Variants in RDH10 observed in about 807,000 individuals in gnomAD.
RDH10 encodes the protein retinol dehydrogenase 10.
In RDH10, 12 loss-of-function variants were observed where a neutral mutation model predicts 30.2. The observed-to-expected ratio is 0.40, with a 90% CI of 0.25 to 0.64. The LOEUF (loss-of-function observed/expected upper bound fraction) is 0.64. Ranked by LOEUF, RDH10 falls within the 30% of genes least tolerant of loss-of-function variation. RDH10 has a pLI of 0.43. For missense variants in RDH10, 268 were observed against 445.2 expected, an observed-to-expected ratio of 0.60 and a Z score of 3.58; for synonymous variants, 189 against 172.2, an observed-to-expected ratio of 1.10 and a Z score of -0.76.
rs746757841 is a variant in RDH10 at position 73,297,219 on chromosome 8, G to T, written c.315G>T (p.Leu105=). The part of the protein sequence containing the change: ...LQAGNGEEEI[L]PHCNLQVFTY... ...CTGGGAATGGTGAGGAAGAAATTCT[G>T]CCCCACTGTAACTTGCAGGTTTTTA... is the stretch of plus-strand genomic sequence containing the variant. The change falls in exon 2 of 6, where the codon CTG becomes CTT. Residue 105 remains leucine, a synonymous_variant. Transcript: ENST00000240285. 28 of 1,612,172 alleles carry T rather than the reference G, an allele frequency of 1.7e-5. No individual in the cohort carries two copies. The highest frequency in any genetic ancestry group is 2.3e-5 in the Non-Finnish European group (27 of 1,178,312).
In RDH10 at chr8:73,297,325, G is replaced by T. The variant is rs1814285398; in HGVS notation, c.421G>T (p.Val141Phe). ...RVRKEVGEVS[V>F]LVNNAGVVSG... is the part of the protein sequence containing the mutation. ...CCGCAAGGAGGTTGGCGAAGTCTCA[G>T]TCCTGGTCAATAATGCTGGTGTGGT... Residue 141 changes from valine (V) to phenylalanine (F), a missense_variant, in exon 2 of 6, where the codon GTC becomes TTC. This residue lies in a region of RDH10 where 136 missense variants were observed against 288.8 expected (regional missense o/e 0.47). Coordinates refer to ENST00000240285, the MANE Select transcript of RDH10 (RefSeq NM_172037.5). The T allele has an allele frequency of 6.2e-7, 1 of 1,614,056 alleles. No homozygotes were observed. Among genetic ancestry groups the T allele is most frequent in the South Asian group, 1.1e-5 (1 of 91,092 alleles).
Position 73,321,643 on chromosome 8 carries a change from A to G in RDH10, c.770+566A>G, listed in dbSNP as rs557785264. 6 of 367,336 alleles carry G rather than the reference A, an allele frequency of 1.6e-5. No individual in the cohort carries two copies. In the East Asian group the frequency reaches 2.9e-4, roughly 18 times the overall value. The allele number at this position is 367,336 out of a possible 1,614,324, so 22.8% of individuals were successfully genotyped here. On this transcript the variant is annotated intron_variant, in intron 4 of 5. Transcript: ENST00000240285. Reference sequence around the variant, plus strand: ...ATACCCACACACATAGAAAGGAGGTATATGGGAATATAAATGTCAAGTTAC... The same window carrying G: ...ATACCCACACACATAGAAAGGAGGTGTATGGGAATATAAATGTCAAGTTAC...
intron 4 of RDH10, chr8:73,321,623 C>T (rs1191791671): frequency 2.8e-6 from 1 of 353,488 alleles, no homozygotes; most frequent in East Asian, 7.4e-5. Context: ...ATAAAATACC[C>T]ACACACATAG....
intron 2 of RDH10, among the ~76,000 whole-genome samples, chr8:73,306,746 C>A (rs959819809): frequency 1.3e-5 from 2 of 152,182 alleles, no homozygotes; most frequent in African/African-American, 2.4e-5. Flanking sequence ...TTGGAAAAAA[C>A]CACAAGTGTT....
chr8:73,321,897 G>A (rs1285693649), intron 4 of RDH10: 1 of 456,120 alleles, frequency 2.2e-6, no homozygotes, highest in Non-Finnish European at 4.4e-6. Context: ...GGAGTCCCAA[G>A]TCTGACCTGG....
chr8:73,298,560 A>G (rs1157842441), intron 2 of RDH10, among the ~76,000 whole-genome samples: 2 of 151,966 alleles, frequency 1.3e-5, no homozygotes, highest in African/African-American at 4.8e-5. Flanking sequence ...ATGGAGTCTC[A>G]CTCTGTCACC....
At chr8:73,308,732 C>G (rs1175594019) in intron 2 of RDH10, among the ~76,000 whole-genome samples, 1 of 152,102 alleles carries the variant, frequency 6.6e-6, no homozygotes, top group Non-Finnish European at 1.5e-5. Context: ...GGCTCTTGCA[C>G]TAGGGGCTCT....
chr8:73,306,175 A>G (rs1814460657), intron 2 of RDH10, among the ~76,000 whole-genome samples: 1 of 152,248 alleles, frequency 6.6e-6, no homozygotes, highest in Non-Finnish European at 1.5e-5. Flanking sequence ...GCCTAGGCTG[A>G]CAGAGCATGG....
Position 73,295,283 on chromosome 8 carries a change from C to T in RDH10, c.-7C>T. ...CACTGGGCTCGTGCGGGGCCCCGGG[C>T]GTCGCGATGAACATCGTGGTGGAGT... On this transcript the variant is annotated 5_prime_UTR_variant, in exon 1 of 6. Transcript: ENST00000240285. 3.2e-6 allele frequency: 5 copies of T among 1,553,994 alleles called. No individual in the cohort carries two copies. Among genetic ancestry groups the T allele is most frequent in the Non-Finnish European group, 4.3e-6 (5 of 1,153,250 alleles).
chr8:73,304,655 CTG>C (rs1422645161), intron 2 of RDH10, among the ~76,000 whole-genome samples: 10 of 152,190 alleles, frequency 6.6e-5, no homozygotes, highest in Non-Finnish European at 1.3e-4. Flanking sequence ...GGACTCCTCA[CTG>C]TGCCTGGAGA....
chr8:73,316,454 T>C (rs1258054473), intron 2 of RDH10, among the ~76,000 whole-genome samples: 3 of 152,238 alleles, frequency 2.0e-5, no homozygotes, highest in African/African-American at 4.8e-5. Flanking sequence ...AGTTTTTGAC[T>C]TTTTCTGGTA....
intron 2 of RDH10, chr8:73,311,513 C>T (rs1414647724): frequency 6.6e-6 from 1 of 152,146 alleles, no homozygotes; most frequent in African/African-American, 2.4e-5. Context: ...AAAAGCCTGG[C>T]TCTTTTATTA....
chr8:73,319,549 G>A (rs888796614), intron 3 of RDH10, among the ~76,000 whole-genome samples: 5 of 152,192 alleles, frequency 3.3e-5, no homozygotes, highest in Non-Finnish European at 7.3e-5. Context: ...GAAAGGGAAT[G>A]GACTTCTGCC....
In RDH10 at chr8:73,321,006, G is replaced by A; in HGVS notation, c.699G>A (p.Lys233=). The A allele has an allele frequency of 6.2e-7, 1 of 1,614,112 alleles. No homozygotes were observed. Among genetic ancestry groups the A allele is most frequent in the African/African-American group, 1.3e-5 (1 of 75,022 alleles). The change falls in exon 4 of 6, where the codon AAG becomes AAA. Residue 233 remains lysine, a synonymous_variant. Coordinates refer to ENST00000240285, the MANE Select transcript of RDH10 (RefSeq NM_172037.5). ...SLSHELKAAE[K]DGIKTTLVCP... is the part of the protein sequence containing the mutation. ...GCCATGAACTAAAGGCTGCTGAAAA[G>A]GATGGAATTAAAACAACCTTGGTTT...
At chr8:73,312,625 C>T (rs1814583949) in intron 2 of RDH10, 1 of 152,184 alleles carries the variant, frequency 6.6e-6, no homozygotes. Flanking sequence ...GGAAAGTTGC[C>T]CAACCATGTG....
intron 2 of RDH10, among the ~76,000 whole-genome samples, chr8:73,303,362 A>AAAT (rs1389164616): frequency 1.3e-5 from 2 of 152,208 alleles, no homozygotes; most frequent in Non-Finnish European, 2.9e-5. Context: ...AGTTTTGTTC[A>AAAT]AGGTTTCTTA....
chr8:73,314,977 G>A (rs1051840899), intron 2 of RDH10, among the ~76,000 whole-genome samples: 5 of 152,056 alleles, frequency 3.3e-5, no homozygotes, highest in African/African-American at 1.2e-4. Flanking sequence ...CCTCTCAAAA[G>A]AAAGCTTCAT....
chr8:73,315,660 T>C (rs1222189841), intron 2 of RDH10: 1 of 447,682 alleles, frequency 2.2e-6, no homozygotes, highest in East Asian at 7.0e-5. Context: ...GCCAACCTGC[T>C]ATGGTGTCTG....
At chr8:73,299,455 A>G (rs1356958692) in intron 2 of RDH10, among the ~76,000 whole-genome samples, 4 of 152,252 alleles carry the variant, frequency 2.6e-5, no homozygotes, top group African/African-American at 9.6e-5. Flanking sequence ...GACATACATA[A>G]GTGGGAGGCG....
Sources: allele counts gnomAD v4.1 joint callset (sites outside exome capture counted in the v4.1 genomes callset), GRCh38; gene constraint gnomAD v4.1.1; regional missense constraint gnomAD v4.1.1; transcripts MANE v1.5; gene names NCBI Gene and HGNC (gene_info 2026-07-23, HGNC 2026-07-21).